The following SORBS2 variants were observed in gnomAD, a reference collection of about 807,000 sequenced individuals.
The protein encoded by SORBS2 is sorbin and SH3 domain containing 2.
A neutral mutation model predicts 97.7 loss-of-function variants in SORBS2; 46 were observed. That is an observed-to-expected ratio of 0.47 (90% CI 0.37 to 0.60). The LOEUF is 0.60. Among genes scored for constraint, SORBS2 ranks in the 20% least tolerant of loss-of-function variants. The pLI is 0.00. For missense variants in SORBS2, 1,316 were observed against 1,282.3 expected (o/e 1.03, Z -0.40); for synonymous variants, 476 against 473.4 (o/e 1.01, Z -0.07).
chr4:185,836,174 C>G (rs906436366), intron 1 of SORBS2, among the ~76,000 whole-genome samples: 1 of 152,132 alleles, frequency 6.6e-6, no homozygotes, highest in African/African-American at 2.4e-5. Context: ...GAACCGATTT[C>G]TCATTTGCTT....
intron 1 of SORBS2, among the ~76,000 whole-genome samples, chr4:185,929,693 G>A (rs1055081128): frequency 2.6e-5 from 4 of 151,840 alleles, no homozygotes; most frequent in South Asian, 2.1e-4. Context: ...GCACCACCAC[G>A]CCCAGCTGAT....
rs1054721863 is a variant in SORBS2, at chr4:185,621,584, T to C, written c.2215+1330A>G. Among the ~76,000 whole-genome samples the C allele has an allele frequency of 2.0e-5, 3 of 152,138 alleles. No individual in the cohort carries two copies. The South Asian group carries it at 6.2e-4, about 31-fold the overall frequency. ...GAAATTGATTTTTTAAATTCTAATT[T>C]ATTATTTTGAAGCATGTTGCTTCAG... On this transcript the variant is annotated intron_variant, in intron 7 of 14. Transcript: ENST00000418609.
At chr4:185,676,310 C>T (rs2097787969) in intron 4 of SORBS2, among the ~76,000 whole-genome samples, 1 of 152,152 alleles carries the variant, frequency 6.6e-6, no homozygotes, top group Non-Finnish European at 1.5e-5. Context: ...AAAGTTTGTG[C>T]TTTTAGCACT....
chr4:185,614,522 A>G (rs919159082), intron 11 of SORBS2: 72 of 279,206 alleles, frequency 2.6e-4, no homozygotes, highest in Non-Finnish European at 4.3e-4. Context: ...AAGTGTATCA[A>G]ACTGCTTTTT....
chr4:185,656,555 T>C (rs1400347990), intron 1 of SORBS2: 17 of 1,273,624 alleles, frequency 1.3e-5, no homozygotes, highest in Non-Finnish European at 1.2e-5. Context: ...CAGCTTTACA[T>C]GGGTCTTGCT....
intron 2 of SORBS2, among the ~76,000 whole-genome samples, chr4:185,750,276 T>C (rs567603370): frequency 3.3e-5 from 5 of 152,338 alleles, no homozygotes; most frequent in Non-Finnish European, 5.9e-5. Context: ...TATGAACAAA[T>C]TGTAAAATCC....
chr4:185,790,931 T>C (rs1483089904), intron 1 of SORBS2, among the ~76,000 whole-genome samples: 1 of 152,250 alleles, frequency 6.6e-6, no homozygotes, highest in Admixed American at 6.5e-5. Flanking sequence ...TACTTAGCTA[T>C]GAATATTCCA....
intron 1 of SORBS2, among the ~76,000 whole-genome samples, chr4:185,941,113 C>T (rs2099271785): frequency 6.6e-6 from 1 of 152,224 alleles, no homozygotes; most frequent in African/African-American, 2.4e-5. Context: ...CACTTATCTG[C>T]ATCATCATAA....
In SORBS2 at chr4:185,768,722, A is replaced by C. The variant is rs957788552; in HGVS notation, c.-198+6505T>G. The stretch of plus-strand genomic sequence containing the variant: ...TCAAAAAAAAAAAAACAAAAAAACA[A>C]AAAAAAATGCAAATTTGATCATATT... On this transcript the variant is annotated intron_variant, in intron 2 of 20. Coordinates refer to the SORBS2 transcript ENST00000284776. Among the ~76,000 whole-genome samples, 59 of 151,766 alleles carry C rather than the reference A, an allele frequency of 3.9e-4. 1 individual carries two copies. Among genetic ancestry groups the C allele is most frequent in the Admixed American group, 7.2e-4 (11 of 15,232 alleles).
At chr4:185,675,984 C>G (rs571212488) in intron 4 of SORBS2, among the ~76,000 whole-genome samples, 1 of 152,142 alleles carries the variant, frequency 6.6e-6, no homozygotes, top group South Asian at 2.1e-4. Context: ...AAAAGTATAT[C>G]TCCTCGAGGA....
intron 1 of SORBS2, among the ~76,000 whole-genome samples, chr4:185,837,944 GT>G (rs2099209098): frequency 6.6e-6 from 1 of 151,660 alleles, no homozygotes; most frequent in East Asian, 1.9e-4. Flanking sequence ...GAAGTTTTTT[GT>G]TTGTTTGCTT....
intron 12 of SORBS2, among the ~76,000 whole-genome samples, chr4:185,597,725 T>A (rs1007573663): frequency 2.0e-5 from 3 of 152,122 alleles, no homozygotes; most frequent in Admixed American, 2.0e-4. Flanking sequence ...GTGATGTAAC[T>A]CAAATGGCAA....
intron 1 of SORBS2, among the ~76,000 whole-genome samples, chr4:185,829,493 A>G (rs2153673280): frequency 6.6e-6 from 1 of 152,330 alleles, no homozygotes; most frequent in South Asian, 2.1e-4. Flanking sequence ...CCAGAACAAT[A>G]GAAAGTAGAA....
At chr4:185,657,542 C>T (rs556862627), upstream of SORBS2, 25 of 1,580,596 alleles carry the variant, frequency 1.6e-5, no homozygotes, top group African/African-American at 2.3e-4. Flanking sequence ...GGGGATAGAG[C>T]TGCTGGTGGT....
intron 2 of SORBS2, among the ~76,000 whole-genome samples, chr4:185,687,775 A>G (rs548890998): frequency 2.6e-5 from 4 of 152,330 alleles, no homozygotes; most frequent in African/African-American, 7.2e-5. Context: ...TGAATTCTAA[A>G]ACTTGAGGCA....
chr4:185,731,866 C>CTCTATA (rs1286500642), intron 2 of SORBS2, among the ~76,000 whole-genome samples: 1 of 24,684 alleles, frequency 4.1e-5, no homozygotes, highest in African/African-American at 1.8e-4. Context: ...CTCTCTCTCT[C>CTCTATA]TATATATATA....
chr4:185,857,875 A>G (rs952914634), intron 1 of SORBS2, among the ~76,000 whole-genome samples: 1 of 152,130 alleles, frequency 6.6e-6, no homozygotes, highest in Non-Finnish European at 1.5e-5. Context: ...TCCTGTTAAG[A>G]TGTTTATCAA....
At chr4:185,912,541 T>C (rs535878965) in intron 1 of SORBS2, among the ~76,000 whole-genome samples, 1 of 126,014 alleles carries the variant, frequency 7.9e-6, no homozygotes, top group Non-Finnish European at 1.5e-5. Context: ...GCCGAGATCA[T>C]GCCACTGCAC....
chr4:185,908,534 G>A (rs2099252998), intron 1 of SORBS2, among the ~76,000 whole-genome samples: 1 of 151,564 alleles, frequency 6.6e-6, no homozygotes, highest in South Asian at 2.1e-4. Context: ...GCTTAGAAAG[G>A]GTTTGTTGGA....
Sources: allele counts gnomAD v4.1 joint callset (sites outside exome capture counted in the v4.1 genomes callset), GRCh38; gene constraint gnomAD v4.1.1; transcripts MANE v1.5; gene names NCBI Gene and HGNC (gene_info 2026-07-23, HGNC 2026-07-21).